The following CDC42BPG variants were observed in gnomAD, a reference collection of about 807,000 sequenced individuals.
The protein encoded by CDC42BPG is serine/threonine-protein kinase MRCK gamma.
In CDC42BPG, 157 loss-of-function variants were observed where a neutral mutation model predicts 192.2. That is an observed-to-expected ratio of 0.82 (90% CI 0.72 to 0.93). The LOEUF is 0.93. Ranked by LOEUF, CDC42BPG falls within the 40% of genes least tolerant of loss-of-function variation. The pLI is 0.00. For missense variants in CDC42BPG, 1,992 were observed against 2,122.1 expected (o/e 0.94, Z 1.20); for synonymous variants, 981 against 918.5 (o/e 1.07, Z -1.23).
intron 31 of CDC42BPG, 32 bp from the exon 32 acceptor site, chr11:64,827,643 C>A (rs765098367): frequency 1.2e-6 from 2 of 1,606,158 alleles, no homozygotes; most frequent in Admixed American, 3.4e-5. Flanking sequence ...TCAGGCCACG[C>A]CTCCACCCCC....
intron 36 of CDC42BPG, among the ~76,000 whole-genome samples, chr11:64,825,258 G>A (rs1359224601): frequency 6.6e-6 from 1 of 152,026 alleles, no homozygotes; most frequent in Non-Finnish European, 1.5e-5. Flanking sequence ...TCCTTCAGTC[G>A]ACCACATGCT....
At position 64,830,006 on chromosome 11, in the gene CDC42BPG, C is replaced by G; in HGVS notation, c.3432G>C (p.Leu1144=). The change falls in exon 30 of 37, where the codon CTG becomes CTC. Residue 1144 remains leucine (L), a synonymous_variant. Coordinates refer to ENST00000342711, the MANE Select transcript of CDC42BPG (RefSeq NM_017525.3). ...QQLTLSPSAG[L]LVVLCGRGPS... is the part of the protein sequence containing the mutation. ...GGCCGCGGCCACACAGCACGACCAG[C>G]AGGCCTGCACTGGGGCTCAAGGTCA... 1.9e-6 allele frequency: 3 copies of G among 1,612,410 alleles called. No individual in the cohort carries two copies. Among genetic ancestry groups the G allele is most frequent in the Non-Finnish European group, 2.5e-6 (3 of 1,179,344 alleles).
intron 7 of CDC42BPG, 34 bp downstream of exon 7, chr11:64,838,999 C>T (rs374492459): frequency 4.1e-5 from 66 of 1,611,950 alleles, no homozygotes; most frequent in Admixed American, 1.3e-4. Flanking sequence ...GGTCCCACTG[C>T]CCCCTCTGGA....
rs761351705 is a variant in CDC42BPG at position 64,827,626 on chromosome 11, A to T, written c.4066-15T>A. The T allele has an allele frequency of 5.2e-5, 83 of 1,607,060 alleles. No individual in the cohort carries two copies. Among genetic ancestry groups the T allele is most frequent in the Non-Finnish European group, 7.0e-5 (82 of 1,175,114 alleles). The stretch of plus-strand genomic sequence containing the variant: ...AGGGGCCGCACCTGAGGCAGCAGGC[A>T]CAGCGGTCAGGCCACGCCTCCACCC... On this transcript the variant is annotated splice_polypyrimidine_tract_variant and intron_variant, in intron 31 of 36. Coordinates refer to ENST00000342711, the MANE Select transcript of CDC42BPG (RefSeq NM_017525.3).
intron 2 of CDC42BPG, 33 bp downstream of exon 2, chr11:64,841,780 C>G: frequency 6.2e-7 from 1 of 1,612,864 alleles, no homozygotes; most frequent in South Asian, 1.1e-5. Flanking sequence ...GGTGTGAACA[C>G]CTCCCCCCAC....
Position 64,831,659 on chromosome 11 carries a change from G to T in CDC42BPG, c.3150C>A (p.Ser1050Arg). The change falls in exon 28 of 37, where the codon AGC becomes AGA. Residue 1050 changes from serine (S) to arginine (R), a missense_variant. Physicochemically the swap from Ser to Arg is moderately radical, Grantham distance 110 (BLOSUM62 -1). This residue lies in a region of CDC42BPG where 1,656 missense variants were observed against 1,844.3 expected (regional missense o/e 0.90). Transcript: ENST00000342711. ...GCAGCCAGCGTTCCCGCTCCCCCTC[G>T]CTCTCTGCCAGCAGCAGCACAGTGC... ...TTCTVLLLAE[S>R]EGERERWLQV... is the part of the protein sequence containing the mutation. The T allele has an allele frequency of 6.2e-7, 1 of 1,609,880 alleles. No individual in the cohort carries two copies.
At chr11:64,828,154 T>C (rs955135122) in intron 30 of CDC42BPG, among the ~76,000 whole-genome samples, 6 of 152,114 alleles carry the variant, frequency 3.9e-5, no homozygotes, top group South Asian at 2.1e-4. Flanking sequence ...TTGGGTGATA[T>C]GCGGCACCCA....
intron 29 of CDC42BPG, 22 bp downstream of exon 29, chr11:64,830,172 C>G: frequency 6.2e-7 from 1 of 1,613,568 alleles, no homozygotes; most frequent in African/African-American, 1.3e-5. Context: ...CACGCCCACC[C>G]TAGCCCAGCT....
In CDC42BPG at chr11:64,826,559, C is replaced by T. The variant is rs761434226; in HGVS notation, c.4514-4G>A. The T allele has an allele frequency of 8.7e-6, 14 of 1,600,166 alleles. No homozygotes were observed. In the Admixed American group the frequency reaches 2.1e-4, roughly 24 times the overall value. ...GATGTCCAGGGTTTCCTCTTCACTG[C>T]TCCAGCAGCAGACGAGGAGACAAAA... is the stretch of plus-strand genomic sequence containing the variant. On this transcript the variant is annotated splice_polypyrimidine_tract_variant and splice_region_variant and intron_variant, in intron 35 of 36. Transcript: ENST00000342711.
chr11:64,830,991 G>C (rs1942658120), intron 28 of CDC42BPG, among the ~76,000 whole-genome samples: 1 of 152,214 alleles, frequency 6.6e-6, no homozygotes, highest in African/African-American at 2.4e-5. Context: ...GCCAAGGTGG[G>C]TGGATCACCT....
chr11:64,840,392 A>C, intron 4 of CDC42BPG, 124 bp from the exon 5 acceptor site: 1 of 1,444,808 alleles, frequency 6.9e-7, no homozygotes, highest in Non-Finnish European at 9.4e-7. Flanking sequence ...GCCAGTTCCC[A>C]GCCAGGGCTC....
At chr11:64,835,897 A>AGCCCCTCTGCC (rs1431371768) in intron 13 of CDC42BPG, 46 bp from the exon 14 acceptor site, 6 of 1,539,170 alleles carry the variant, frequency 3.9e-6, no homozygotes, top group Non-Finnish European at 5.3e-6. Context: ...TGCCCTCGGC[A>AGCCCCTCTGCC]GCCCCTCTGC....
chr11:64,824,550 A>G, intron 36 of CDC42BPG, 21 bp from the exon 37 acceptor site: 1 of 1,579,378 alleles, frequency 6.3e-7, no homozygotes, highest in Non-Finnish European at 8.7e-7. Context: ...AAGAAAAGGA[A>G]GTCAAGGGGT....
In CDC42BPG at chr11:64,836,705, CTGGGG is replaced by C. The variant is rs760569904; in HGVS notation, c.1384+29_1384+33del. On this transcript the variant is annotated intron_variant, in intron 11 of 36. Transcript: ENST00000342711. ...ACCCGAGCCCAGGTGGGACTCAGCC[CTGGGG>C]GGGGGGGGGGGGTGGGCGGAAGGGA... 348 of 353,444 alleles carry C rather than the reference CTGGGG, an allele frequency of 9.8e-4. 20 individuals carry two copies. In the African/African-American group the frequency reaches 0.015, roughly 16 times the overall value. The allele number at this position is 353,444 out of a possible 1,614,324, so 21.9% of individuals were successfully genotyped here. A position where few individuals can be genotyped will look rare whatever the true frequency, so the allele number is the denominator to read the frequency against.
intron 1 of CDC42BPG, 27 bp downstream of exon 1, chr11:64,844,383 C>G (rs1464036281): frequency 9.4e-6 from 13 of 1,377,126 alleles, no homozygotes; most frequent in Non-Finnish European, 1.2e-5. Context: ...TAGGCCCGCC[C>G]CCGCTCCGTG....
In CDC42BPG at chr11:64,824,519, C is replaced by G. The variant is rs745799737; in HGVS notation, c.4610G>C (p.Arg1537Pro). ...PATSLMQVSERPRSLPLSPEL... is the reference protein window; with the variant it reads ...PATSLMQVSEPPRSLPLSPEL... Reference sequence around the variant, plus strand: ...AGGGGATAGGGGGAGGCTTCGGGGCCGTTCTGAGACCTGCAGGAGAAAGAA... The same window carrying G: ...AGGGGATAGGGGGAGGCTTCGGGGCGGTTCTGAGACCTGCAGGAGAAAGAA... Residue 1537 changes from arginine (R) to proline (P), a missense_variant, in exon 37 of 37, where the codon CGG becomes CCG. Arg to Pro is a moderately radical substitution (Grantham distance 103, BLOSUM62 -2). This residue lies in a region of CDC42BPG where 336 missense variants were observed against 277.9 expected (regional missense o/e 1.21). Transcript: ENST00000342711. 1 of 1,607,020 alleles carries G rather than the reference C, an allele frequency of 6.2e-7. No individual in the cohort carries two copies. The highest frequency in any genetic ancestry group is 1.7e-5 in the Admixed American group (1 of 59,704).
At position 64,830,055 on chromosome 11, in the gene CDC42BPG, C is replaced by G. The variant is rs764262046; in HGVS notation, c.3383G>C (p.Gly1128Ala). 1.9e-6 allele frequency: 3 copies of G among 1,612,544 alleles called. No individual in the cohort carries two copies. In the African/African-American group the frequency reaches 4.0e-5, roughly 22 times the overall value. ...CAGCTGCTGCACGCGCCGGCACTCC[C>G]CCACCTGGAAGATGTCTGCAGGGTT... ...HLRSNDIFQVGECRRVQQLTL... is the reference protein window; with the variant it reads ...HLRSNDIFQVAECRRVQQLTL... Residue 1128 changes from glycine to alanine, a missense_variant, in exon 30 of 37, where the codon GGG becomes GCG. Around this residue, in one of 2 missense-constraint regions of CDC42BPG, gnomAD observed 1,656 missense variants for 1,844.3 expected, o/e 0.90. Transcript: ENST00000342711.
rs1479283632 is a variant in CDC42BPG, at chr11:64,823,173, G to A, written c.*1300C>T. On this transcript the variant is annotated 3_prime_UTR_variant, in exon 37 of 37. Transcript: ENST00000342711. ...GCGATCTCGGCTCACTGCAAGCTCC[G>A]CCTCCCGGGTTCACGCCATTCTCCT... 1.3e-5 allele frequency among the ~76,000 whole-genome samples: 2 copies of A among 148,708 alleles called. No homozygotes were observed. Among genetic ancestry groups the A allele is most frequent in the Admixed American group, 6.8e-5 (1 of 14,702 alleles).
rs1315561001 is a variant in CDC42BPG at position 64,836,502 on chromosome 11, G to T, written c.1413C>A (p.Ser471=). ...TACCAGCTGGGGGCCCATCCGTCTG[G>T]GACAATGAGGCCTTGTCCCTCAGCA... The part of the protein sequence containing the change: ...PEMLRDKASL[S]QTDGPPAGSP... Residue 471 remains serine (S), a synonymous_variant, in exon 12 of 37, where the codon TCC becomes TCA. Coordinates refer to ENST00000342711, the MANE Select transcript of CDC42BPG (RefSeq NM_017525.3). 8.1e-6 allele frequency: 13 copies of T among 1,613,434 alleles called. No homozygotes were observed. The highest frequency in any genetic ancestry group is 1.0e-5 in the Non-Finnish European group (12 of 1,179,966).
Sources: allele counts gnomAD v4.1 joint callset (sites outside exome capture counted in the v4.1 genomes callset), GRCh38; gene constraint gnomAD v4.1.1; regional missense constraint gnomAD v4.1.1; transcripts MANE v1.5; gene names NCBI Gene and HGNC (gene_info 2026-07-23, HGNC 2026-07-21).